The following ESRRG variants were observed in gnomAD, a reference collection of about 807,000 sequenced individuals.
ESRRG encodes estrogen related receptor gamma.
ESRRG carries 13 observed loss-of-function variants against 44.0 expected under a neutral mutation model. That is an observed-to-expected ratio of 0.30 (90% CI 0.19 to 0.47). The LOEUF is 0.47. Among genes scored for constraint, ESRRG ranks in the 20% least tolerant of loss-of-function variants. The pLI is 1.00. For synonymous variants in ESRRG, 215 were observed against 214.6 expected, an observed-to-expected ratio of 1.00 and a Z score of -0.02; for missense variants, 395 against 580.6, an observed-to-expected ratio of 0.68 and a Z score of 3.29.
Position 217,135,547 on chromosome 1 carries a change from T to C in ESRRG, c.-230+2120A>G, listed in dbSNP as rs576708451. The stretch of plus-strand genomic sequence containing the variant: ...GCGCGCGCGGCGGCGGCGGCGGCGG[T>C]GTTGGCGGCGGCGGCGGCAGGGCGG... On this transcript the variant is annotated intron_variant, in intron 1 of 8. Coordinates refer to the ESRRG transcript ENST00000366940. 4.5e-3 allele frequency among the ~76,000 whole-genome samples: 682 copies of C among 151,094 alleles called. 2 individuals carry two copies. Among genetic ancestry groups the C allele is most frequent in the African/African-American group, 0.016 (650 of 41,226 alleles).
At chr1:216,509,949 C>T (rs924472785) in intron 6 of ESRRG, among the ~76,000 whole-genome samples, 8 of 152,138 alleles carry the variant, frequency 5.3e-5, no homozygotes, top group Non-Finnish European at 1.2e-4. Context: ...ACACCAGGCT[C>T]AATAGAACTG....
At chr1:216,593,681 A>G (rs904954813) in intron 3 of ESRRG, among the ~76,000 whole-genome samples, 7 of 152,252 alleles carry the variant, frequency 4.6e-5, no homozygotes, top group Admixed American at 6.5e-5. Flanking sequence ...TAAACTGCAT[A>G]TAAGTTAGAA....
At chr1:216,826,902 G>A (rs996205077) in intron 2 of ESRRG, among the ~76,000 whole-genome samples, 1 of 152,156 alleles carries the variant, frequency 6.6e-6, no homozygotes, top group African/African-American at 2.4e-5. Flanking sequence ...CACGTGAAGT[G>A]ACCTTCAGTA....
intron 3 of ESRRG, among the ~76,000 whole-genome samples, chr1:216,612,304 A>C (rs1305895449): frequency 6.6e-6 from 1 of 152,078 alleles, no homozygotes; most frequent in Non-Finnish European, 1.5e-5. Flanking sequence ...CTGTATATTT[A>C]ATAATCCTAA....
At chr1:216,901,618 A>G (rs2059084646) in intron 2 of ESRRG, among the ~76,000 whole-genome samples, 1 of 151,970 alleles carries the variant, frequency 6.6e-6, no homozygotes, top group Admixed American at 6.6e-5. Context: ...TAATGTTCCC[A>G]CCTTGGCCTC....
chr1:217,111,163 C>A (rs1415950356), intron 1 of ESRRG, among the ~76,000 whole-genome samples: 1 of 152,146 alleles, frequency 6.6e-6, no homozygotes, highest in African/African-American at 2.4e-5. Flanking sequence ...GCCCAGGATA[C>A]CATCAGAGGT....
At chr1:216,704,545 GA>G (rs1195614494) in intron 1 of ESRRG, among the ~76,000 whole-genome samples, 36 of 151,574 alleles carry the variant, frequency 2.4e-4, no homozygotes, top group Admixed American at 3.3e-4. Context: ...AGAAGGAGAA[GA>G]AAAAAAGATC....
intron 1 of ESRRG, among the ~76,000 whole-genome samples, chr1:216,695,747 G>A (rs1316818912): frequency 6.6e-6 from 1 of 152,092 alleles, no homozygotes; most frequent in Non-Finnish European, 1.5e-5. Context: ...TATGTTTATG[G>A]CATTAGTTTA....
At chr1:216,882,586 C>G (rs1174162069) in intron 2 of ESRRG, among the ~76,000 whole-genome samples, 1 of 151,944 alleles carries the variant, frequency 6.6e-6, no homozygotes, top group East Asian at 1.9e-4. Flanking sequence ...CTGAATTGTT[C>G]AATATAAACA....
chr1:216,901,756 G>A (rs1268860051), intron 2 of ESRRG, among the ~76,000 whole-genome samples: 1 of 149,888 alleles, frequency 6.7e-6, no homozygotes, highest in African/African-American at 2.5e-5. Context: ...AGTGCCTACT[G>A]ATACTTCTTT....
intron 1 of ESRRG, among the ~76,000 whole-genome samples, chr1:217,105,867 T>C (rs1167807312): frequency 6.6e-6 from 1 of 152,166 alleles, no homozygotes; most frequent in Non-Finnish European, 1.5e-5. Context: ...GTGAAAACGT[T>C]GGAGGCCATG....
upstream of ESRRG, among the ~76,000 whole-genome samples, chr1:216,724,362 ATTTT>A (rs35611593): frequency 7.0e-6 from 1 of 143,080 alleles, no homozygotes. Context: ...TAAAGACAGC[ATTTT>A]TTTTTTTTTT....
chr1:216,778,361 G>T (rs2147764844), intron 2 of ESRRG, among the ~76,000 whole-genome samples: 1 of 152,128 alleles, frequency 6.6e-6, no homozygotes, highest in South Asian at 2.1e-4. Flanking sequence ...CTTGGGAGAG[G>T]CATGGATAAT....
In ESRRG at chr1:216,549,090, G is replaced by A. The variant is rs11572800; in HGVS notation, c.862+15129C>T. On this transcript the variant is annotated intron_variant, in intron 5 of 6. Transcript: ENST00000408911. ...CTCAATGACTATTTCAAGTGCCACC[G>A]AAATAAGTAGCAGGTGCACCAAGGT... is the stretch of plus-strand genomic sequence containing the variant. Among the ~76,000 whole-genome samples the A allele has an allele frequency of 1.2e-3, 186 of 152,094 alleles. 1 individual carries two copies. Among genetic ancestry groups the A allele is most frequent in the African/African-American group, 3.9e-3 (160 of 41,490 alleles).
In ESRRG at chr1:216,650,304, A is replaced by G. The variant is rs541995764; in HGVS notation, c.589+669T>C. Among the ~76,000 whole-genome samples the G allele has an allele frequency of 2.0e-5, 3 of 152,332 alleles. No individual in the cohort carries two copies. The South Asian group carries it at 6.2e-4, about 32-fold the overall frequency. On this transcript the variant is annotated intron_variant, in intron 3 of 6. Coordinates refer to ENST00000408911, the MANE Select transcript of ESRRG (RefSeq NM_001438.4). ...TCCAAGCTAACATGTGAATTTCACT[A>G]GAAATGATGAAATATACAAATATTT...
rs368800628 is a variant in ESRRG, at chr1:216,722,411, T to TC, written c.56+832dup. Reference sequence around the variant, plus strand: ...CTTACTTCTCGTACCCCCTACTCACTCCCCCCCCTTTAGTAATCTAAATAT... The same window carrying TC: ...CTTACTTCTCGTACCCCCTACTCACTCCCCCCCCCTTTAGTAATCTAAATAT... On this transcript the variant is annotated intron_variant, in intron 1 of 6. Coordinates refer to ENST00000408911, the MANE Select transcript of ESRRG (RefSeq NM_001438.4). 8.3e-3 allele frequency among the ~76,000 whole-genome samples: 972 copies of TC among 117,500 alleles called. 9 individuals carry two copies. Among genetic ancestry groups the TC allele is most frequent in the African/African-American group, 0.023 (743 of 31,792 alleles). 77.1% of individuals were successfully genotyped at this position (117,500 alleles called of 152,430 possible).
chr1:216,721,673 T>C (rs188851985), intron 1 of ESRRG, among the ~76,000 whole-genome samples: 5 of 152,346 alleles, frequency 3.3e-5, no homozygotes, highest in African/African-American at 1.2e-4. Context: ...GGGGGATTTT[T>C]AAAGTTTGTT....
At chr1:216,811,591 A>G (rs1047733370) in intron 2 of ESRRG, among the ~76,000 whole-genome samples, 7 of 152,196 alleles carry the variant, frequency 4.6e-5, no homozygotes, top group African/African-American at 1.2e-4. Flanking sequence ...TTAGGCTCCA[A>G]TTGGTTGAAT....
chr1:217,044,517 CT>C (rs2084490218), intron 1 of ESRRG, among the ~76,000 whole-genome samples: 1 of 152,160 alleles, frequency 6.6e-6, no homozygotes, highest in South Asian at 2.1e-4. Flanking sequence ...CACATACTAA[CT>C]ATTCCAAACC....
Sources: gnomAD v4.1 joint callset for allele counts (sites outside exome capture counted in the v4.1 genomes callset) on GRCh38, gnomAD v4.1.1 for gene constraint, MANE v1.5 for transcripts, NCBI Gene and HGNC (gene_info 2026-07-23, HGNC 2026-07-21) for gene names.